DYSF: variants seen among roughly 807,000 people sequenced by gnomAD.
DYSF encodes the protein dystrophy-associated fer-1-like 1.
Under a neutral mutation model 274.9 loss-of-function variants are expected in DYSF, and 212 were observed. The observed-to-expected ratio is 0.77, with a 90% CI of 0.69 to 0.86. The LOEUF is 0.86. Ranked by LOEUF, DYSF falls within the 40% of genes least tolerant of loss-of-function variation. DYSF has a pLI of 0.00. For synonymous variants in DYSF, 1,091 were observed against 1,078.7 expected (o/e 1.01, Z -0.22); for missense variants, 2,666 against 2,783.2 (o/e 0.96, Z 0.95).
At chr2:71,476,433 C>T (rs58468044) in intron 1 of DYSF, among the ~76,000 whole-genome samples, 13,235 of 151,444 alleles carry the variant, frequency 0.087, 847 homozygotes, top group African/African-American at 0.18. Context: ...CGCGGCTACT[C>T]GGGAGGCTGA....
chr2:71,640,739 C>T (rs1223294245), intron 41 of DYSF, among the ~76,000 whole-genome samples: 1 of 126,926 alleles, frequency 7.9e-6, no homozygotes, highest in Non-Finnish European at 1.7e-5. Context: ...TGAGATTAAT[C>T]CGTGTGTGTG....
chr2:71,480,176 A>C (rs1466373811), intron 1 of DYSF, among the ~76,000 whole-genome samples: 1 of 152,190 alleles, frequency 6.6e-6, no homozygotes, highest in Non-Finnish European at 1.5e-5. Flanking sequence ...GGAATCATAT[A>C]ATTTCTGGAG....
intron 46 of DYSF, among the ~76,000 whole-genome samples, chr2:71,664,844 G>A (rs558634793): frequency 6.6e-6 from 1 of 152,360 alleles, no homozygotes; most frequent in East Asian, 1.9e-4. Context: ...GATGGTTTAT[G>A]TCAGGGGAAT....
intron 32 of DYSF, among the ~76,000 whole-genome samples, chr2:71,594,406 C>T (rs1046620319): frequency 1.3e-5 from 2 of 152,256 alleles, no homozygotes; most frequent in East Asian, 1.9e-4. Flanking sequence ...CTGCACGCTT[C>T]GGGATTTACA....
chr2:71,578,160 TG>T (rs900934325), intron 30 of DYSF, among the ~76,000 whole-genome samples: 26 of 152,186 alleles, frequency 1.7e-4, no homozygotes, highest in Admixed American at 1.6e-3. Context: ...CAGGGTCTGG[TG>T]GGCCCCGAGA....
chr2:71,531,860 A>G (rs1279277982), intron 14 of DYSF, among the ~76,000 whole-genome samples: 3 of 152,108 alleles, frequency 2.0e-5, no homozygotes, highest in Non-Finnish European at 4.4e-5. Flanking sequence ...ATGTATATTA[A>G]AAAGTAAGGT....
At position 71,568,099 on chromosome 2, in the gene DYSF, C is replaced by T. The variant is rs780474601; in HGVS notation, c.2697+17C>T. 2 of 1,614,212 alleles carry T rather than the reference C, an allele frequency of 1.2e-6. No individual in the cohort carries two copies. Among genetic ancestry groups the T allele is most frequent in the African/African-American group, 1.3e-5 (1 of 75,054 alleles). ...GCTGAAACCGTGAGTACCTGCCAGC[C>T]CCCACCTCTGCCTCCCACTACCTGG... On this transcript the variant is annotated intron_variant, in intron 25 of 55. Coordinates refer to ENST00000410020, the MANE Select transcript of DYSF (RefSeq NM_001130987.2).
In DYSF at chr2:71,631,729, G is replaced by T. The variant is rs372381578; in HGVS notation, c.4527+11120G>T. Among the ~76,000 whole-genome samples the T allele has an allele frequency of 3.9e-5, 6 of 152,200 alleles. No homozygotes were observed. The South Asian group carries it at 6.2e-4, about 16-fold the overall frequency. Reference sequence around the variant, plus strand: ...CATACTTCACGGTCTCTCCTGTTACGGGGGCTGGAGTCACCCTCCGATATT... The same window carrying T: ...CATACTTCACGGTCTCTCCTGTTACTGGGGCTGGAGTCACCCTCCGATATT... On this transcript the variant is annotated intron_variant, in intron 41 of 55. Transcript: ENST00000410020.
chr2:71,579,972 G>T (rs2092831503), intron 30 of DYSF, among the ~76,000 whole-genome samples: 1 of 152,246 alleles, frequency 6.6e-6, no homozygotes, highest in African/African-American at 2.4e-5. Context: ...GCACGAGTCA[G>T]TGCTTAACCA....
rs747287063 is a variant in DYSF, at chr2:71,551,592, T to C, written c.1693-15T>C. Reference sequence around the variant, plus strand: ...TCTGTCTCCCCTGCTCCTTGTGACCTGACCTCCCTGGCAGGGGGAAGGTGT... The same window carrying C: ...TCTGTCTCCCCTGCTCCTTGTGACCCGACCTCCCTGGCAGGGGGAAGGTGT... On this transcript the variant is annotated splice_polypyrimidine_tract_variant and intron_variant, in intron 18 of 55. Coordinates refer to ENST00000410020, the MANE Select transcript of DYSF (RefSeq NM_001130987.2). The C allele has an allele frequency of 6.3e-7, 1 of 1,594,334 alleles. No homozygotes were observed. Among genetic ancestry groups the C allele is most frequent in the Non-Finnish European group, 8.5e-7 (1 of 1,171,864 alleles).
intron 11 of DYSF, 63 bp downstream of exon 11, chr2:71,520,271 T>C: frequency 2.0e-6 from 3 of 1,534,274 alleles, no homozygotes; most frequent in Non-Finnish European, 2.7e-6. Context: ...TTGGGGACAC[T>C]CATTTGGGGT....
In DYSF at chr2:71,574,260, C is replaced by T. The variant is rs746521151; in HGVS notation, c.3291C>T (p.Phe1097=). Residue 1097 remains phenylalanine, a synonymous_variant, in exon 30 of 56, where the codon TTC becomes TTT. Coordinates refer to ENST00000410020, the MANE Select transcript of DYSF (RefSeq NM_001130987.2). ...WEYASLFGWK[F]HLEYRKTDAF... is the part of the protein sequence containing the mutation. ...ACGCCTCTCTTTTTGGCTGGAAGTT[C>T]CACCTCGAGTACCGCAAGACAGATG... The T allele has an allele frequency of 1.9e-6, 3 of 1,614,072 alleles. No individual in the cohort carries two copies. The highest frequency in any genetic ancestry group is 2.5e-6 in the Non-Finnish European group (3 of 1,180,034).
At chr2:71,508,541 A>G (rs1370220915) in intron 4 of DYSF, among the ~76,000 whole-genome samples, 2 of 152,114 alleles carry the variant, frequency 1.3e-5, no homozygotes, top group East Asian at 3.8e-4. Context: ...ATTCCGGCCA[A>G]TTATTTGTAG....
At chr2:71,603,820 T>C (rs373740973) in intron 36 of DYSF, among the ~76,000 whole-genome samples, 47 of 152,218 alleles carry the variant, frequency 3.1e-4, no homozygotes, top group South Asian at 2.7e-3. Context: ...CACAGCCTGC[T>C]CTGAAGAAGA....
At chr2:71,463,190 T>A (rs577824717), upstream of DYSF, among the ~76,000 whole-genome samples, 47 of 152,168 alleles carry the variant, frequency 3.1e-4, no homozygotes, top group Non-Finnish European at 5.9e-4. Context: ...GTGCTCAAAG[T>A]CTGGAGGGGG....
chr2:71,457,575 G>A (rs75912326), intron 1 of DYSF, among the ~76,000 whole-genome samples: 3,465 of 152,252 alleles, frequency 0.023, 55 homozygotes, highest in African/African-American at 0.049. Context: ...CATCACGTGC[G>A]TGGTCCTTAC....
intron 33 of DYSF, 35 bp downstream of exon 33, chr2:71,598,780 A>G (rs2093468748): frequency 1.2e-6 from 2 of 1,604,490 alleles, no homozygotes; most frequent in South Asian, 1.1e-5. Context: ...GTCCCCTCAC[A>G]GGGAGGGACC....
intron 16 of DYSF, among the ~76,000 whole-genome samples, chr2:71,536,852 A>G (rs527677651): frequency 6.6e-6 from 1 of 152,368 alleles, no homozygotes; most frequent in African/African-American, 2.4e-5. Flanking sequence ...CAGAAAATGC[A>G]GATAAGCTCT....
chr2:71,550,008 T>C (rs1231127223), intron 17 of DYSF, among the ~76,000 whole-genome samples: 2 of 152,150 alleles, frequency 1.3e-5, no homozygotes, highest in African/African-American at 4.8e-5. Context: ...TCCTCATCCC[T>C]AGGGTCTGGG....
Sources: allele counts gnomAD v4.1 joint callset (sites outside exome capture counted in the v4.1 genomes callset), GRCh38; gene constraint gnomAD v4.1.1; transcripts MANE v1.5; gene names NCBI Gene and HGNC (gene_info 2026-07-23, HGNC 2026-07-21).